The following POU6F2 variants were observed in gnomAD, a reference collection of about 807,000 sequenced individuals.
POU6F2 encodes POU domain, class 6, transcription factor 2.
A neutral mutation model predicts 71.3 loss-of-function variants in POU6F2; 31 were observed. The observed-to-expected ratio is 0.43, with a 90% CI of 0.33 to 0.59. POU6F2 has a LOEUF of 0.59. Among genes scored for constraint, POU6F2 ranks in the 20% least tolerant of loss-of-function variants. The pLI is 0.04. For missense variants in POU6F2, 783 were observed against 856.8 expected (o/e 0.91, Z 1.07); for synonymous variants, 347 against 355.7 (o/e 0.98, Z 0.27).
At chr7:38,984,889 G>A (rs1241134475) in intron 1 of POU6F2, 1 of 152,078 alleles carries the variant, frequency 6.6e-6, no homozygotes, top group Non-Finnish European at 1.5e-5. Context: ...GTTAAATGGT[G>A]TTTTTAGCAT....
Position 39,242,602 on chromosome 7 carries a change from A to G in POU6F2, c.598+34982A>G, listed in dbSNP as rs528539104. Among the ~76,000 whole-genome samples, 12 of 152,214 alleles carry G rather than the reference A, an allele frequency of 7.9e-5. No individual in the cohort carries two copies. In the South Asian group the frequency reaches 1.5e-3, roughly 18 times the overall value. On this transcript the variant is annotated intron_variant, in intron 4 of 9. Transcript: ENST00000518318. ...TTTAGAAAGACAAACGTGGGCTGGAATTAGGGTCTTGTTATGAAAATCAGA... is the reference window on the plus strand; with the variant it reads ...TTTAGAAAGACAAACGTGGGCTGGAGTTAGGGTCTTGTTATGAAAATCAGA...
chr7:39,193,930 T>C (rs1272857849), intron 2 of POU6F2, among the ~76,000 whole-genome samples: 1 of 152,240 alleles, frequency 6.6e-6, no homozygotes, highest in African/African-American at 2.4e-5. Context: ...AATAGGGTTA[T>C]TGTAAGAGTT....
intron 5 of POU6F2, among the ~76,000 whole-genome samples, chr7:39,370,097 A>G (rs1226789249): frequency 6.6e-6 from 1 of 152,120 alleles, no homozygotes; most frequent in African/African-American, 2.4e-5. Flanking sequence ...TGCAATATTG[A>G]CTTTATTGTG....
intron 4 of POU6F2, among the ~76,000 whole-genome samples, chr7:39,311,458 T>C (rs1785163765): frequency 6.6e-6 from 1 of 152,214 alleles, no homozygotes; most frequent in East Asian, 1.9e-4. Context: ...ACTTTCTGTC[T>C]TCCTCCGCTA....
intron 6 of POU6F2, among the ~76,000 whole-genome samples, chr7:39,409,008 G>A (rs1384851107): frequency 2.0e-5 from 3 of 152,170 alleles, no homozygotes; most frequent in African/African-American, 7.2e-5. Context: ...TTGTTTGTGT[G>A]TGTGCATATT....
At chr7:38,986,164 G>T (rs1788460059) in intron 1 of POU6F2, among the ~76,000 whole-genome samples, 1 of 152,020 alleles carries the variant, frequency 6.6e-6, no homozygotes. Flanking sequence ...AAAAAATTAT[G>T]ACAGATGTTT....
chr7:39,221,495 A>T (rs1314937749), intron 4 of POU6F2, among the ~76,000 whole-genome samples: 1 of 149,146 alleles, frequency 6.7e-6, no homozygotes, highest in African/African-American at 2.5e-5. Flanking sequence ...GGTTCAAGCA[A>T]TTCTCCTGCC....
At position 39,339,082 on chromosome 7, in the gene POU6F2, TAAA is replaced by T. The variant is rs1554344614; in HGVS notation, c.599-547_599-545del. On this transcript the variant is annotated intron_variant, in intron 4 of 9. Transcript: ENST00000518318. ...GAAGCATGTACTGCTTTTGAATTTTTAAAAAAAAAAAAAAACAGTTAGAAATTT... is the reference window on the plus strand; with the variant it reads ...GAAGCATGTACTGCTTTTGAATTTTTAAAAAAAAAAAACAGTTAGAAATTT... Among the ~76,000 whole-genome samples, 715 of 144,028 alleles carry T rather than the reference TAAA, an allele frequency of 5.0e-3. 7 individuals are homozygous for T. The highest frequency in any genetic ancestry group is 0.017 in the African/African-American group (655 of 39,298). The allele number at this position is 144,028 out of a possible 152,430, so 94.5% of individuals were successfully genotyped here. A position where few individuals can be genotyped will look rare whatever the true frequency, so the allele number is the denominator to read the frequency against.
intron 1 of POU6F2, among the ~76,000 whole-genome samples, chr7:39,030,027 G>A (rs1789902141): frequency 6.6e-6 from 1 of 151,804 alleles, no homozygotes; most frequent in African/African-American, 2.4e-5. Flanking sequence ...TTGATATGAA[G>A]GTTTTACTGT....
chr7:39,278,542 T>A lies in POU6F2; in HGVS notation c.599-61100T>A, dbSNP rs189184017. 3.1e-4 allele frequency among the ~76,000 whole-genome samples: 47 copies of A among 152,280 alleles called. 1 individual carries two copies. The highest frequency in any genetic ancestry group is 1.7e-3 in the Admixed American group (26 of 15,308). On this transcript the variant is annotated intron_variant, in intron 4 of 9. Transcript: ENST00000518318. ...AGAGAACAAAGGGTATTGAGTAGAT[T>A]CTGAAACTGATTTCCAGACCTTCCT... is the stretch of plus-strand genomic sequence containing the variant.
intron 6 of POU6F2, among the ~76,000 whole-genome samples, chr7:39,418,618 A>G (rs1167606683): frequency 1.3e-5 from 2 of 151,784 alleles, no homozygotes; most frequent in African/African-American, 4.8e-5. Flanking sequence ...TGAACCCAGG[A>G]GGCGGAGGTT....
chr7:39,187,136 G>T (rs956230461), intron 2 of POU6F2, among the ~76,000 whole-genome samples: 3 of 152,212 alleles, frequency 2.0e-5, no homozygotes, highest in African/African-American at 7.2e-5. Context: ...GAAGGAGGTA[G>T]CATTTTTATT....
intron 6 of POU6F2, among the ~76,000 whole-genome samples, chr7:39,424,807 G>A (rs1249352912): frequency 2.0e-5 from 3 of 149,962 alleles, no homozygotes; most frequent in African/African-American, 4.9e-5. Flanking sequence ...AAAATTTGAG[G>A]AAAAACAAGC....
At chr7:39,315,017 T>C (rs1338254690) in intron 4 of POU6F2, among the ~76,000 whole-genome samples, 1 of 152,246 alleles carries the variant, frequency 6.6e-6, no homozygotes, top group Non-Finnish European at 1.5e-5. Context: ...CACTGCACTG[T>C]TACACGTAAC....
intron 4 of POU6F2, among the ~76,000 whole-genome samples, chr7:39,275,583 C>T (rs1186944652): frequency 5.9e-5 from 9 of 152,140 alleles, no homozygotes; most frequent in Admixed American, 2.0e-4. Context: ...AAAAAGAGCC[C>T]GCATTGCCAA....
At chr7:39,101,339 T>C (rs1178668512) in intron 2 of POU6F2, among the ~76,000 whole-genome samples, 3 of 152,140 alleles carry the variant, frequency 2.0e-5, no homozygotes, top group Non-Finnish European at 2.9e-5. Flanking sequence ...CTTCCCAAAG[T>C]GCTGGGATCA....
intron 1 of POU6F2, among the ~76,000 whole-genome samples, chr7:39,042,241 T>G (rs1790206722): frequency 6.6e-6 from 1 of 151,972 alleles, no homozygotes; most frequent in Non-Finnish European, 1.5e-5. Flanking sequence ...AAATGAATGG[T>G]GACTCCTGCA....
At chr7:39,351,069 C>G (rs921850715) in intron 5 of POU6F2, among the ~76,000 whole-genome samples, 2 of 152,200 alleles carry the variant, frequency 1.3e-5, no homozygotes, top group African/African-American at 4.8e-5. Flanking sequence ...GCGGTGGGCA[C>G]CAGCATTTTT....
intron 2 of POU6F2, among the ~76,000 whole-genome samples, chr7:39,180,630 G>T (rs1442717955): frequency 6.6e-6 from 1 of 152,158 alleles, no homozygotes; most frequent in Non-Finnish European, 1.5e-5. Flanking sequence ...GTCATGGCTG[G>T]CTTCATGGCT....
Sources: gnomAD v4.1 joint callset for allele counts (sites outside exome capture counted in the v4.1 genomes callset) on GRCh38, gnomAD v4.1.1 for gene constraint, MANE v1.5 for transcripts, NCBI Gene and HGNC (gene_info 2026-07-23, HGNC 2026-07-21) for gene names.